IQSEC2: variants seen among roughly 807,000 people sequenced by gnomAD.
The protein encoded by IQSEC2 is IQ motif and Sec7 domain ArfGEF 2, also known as IQ motif and SEC7 domain-containing protein 2.
Under a neutral mutation model 74.6 loss-of-function variants are expected in IQSEC2, and 6 were observed. That is an observed-to-expected ratio of 0.08 (90% CI 0.04 to 0.16). The LOEUF is 0.16. Among genes scored for constraint, IQSEC2 ranks in the 10% least tolerant of loss-of-function variants. The probability of loss-of-function intolerance (pLI) is 1.00; values close to 1 mark genes in which losing one functional copy is unlikely to be tolerated. For missense variants in IQSEC2, 734 were observed against 1,306.2 expected, an observed-to-expected ratio of 0.56 and a Z score of 6.75; for synonymous variants, 494 against 544.5, an observed-to-expected ratio of 0.91 and a Z score of 1.29.
At position 53,250,455 on chromosome X, in the gene IQSEC2, C is replaced by T. The variant is rs1285334504; in HGVS notation, c.2121G>A (p.Glu707=). ...ESLESSSNSN[E]TINCSSGSSS... ...AGGAGCCGGAGCTGCAGTTGATGGT[C>T]TCATTGGAATTGCTGGAGCTCTCAA... The change falls in exon 5 of 15, where the codon GAG becomes GAA. Residue 707 remains glutamate, a synonymous_variant. Coordinates refer to ENST00000642864, the MANE Select transcript of IQSEC2 (RefSeq NM_001111125.3). The T allele has an allele frequency of 1.7e-6, 2 of 1,210,177 alleles. No individual in the cohort carries two copies. Among genetic ancestry groups the T allele is most frequent in the African/African-American group, 3.5e-5 (2 of 57,213 alleles).
chrX:53,248,316 A>G, intron 6 of IQSEC2, 80 bp from the exon 7 acceptor site: 1 of 1,106,494 alleles, frequency 9.0e-7, no homozygotes, highest in Non-Finnish European at 1.2e-6. Context: ...GCTCAAATGG[A>G]CCAACACCCC....
chrX:53,277,859 C>T (rs1050851770), intron 2 of IQSEC2, among the ~76,000 whole-genome samples: 30 of 109,267 alleles, frequency 2.7e-4, no homozygotes, highest in Non-Finnish European at 4.8e-4. Flanking sequence ...TTAGTAGAGA[C>T]GGGGTTTTGC....
intron 8 of IQSEC2, among the ~76,000 whole-genome samples, chrX:53,244,525 CA>C (rs1190920344): frequency 7.2e-3 from 343 of 47,743 alleles, no homozygotes; most frequent in Middle Eastern, 0.033. Context: ...GACCCTGTCT[CA>C]AAAAAAAAAA....
chrX:53,283,852 A>G (rs1229062497), intron 2 of IQSEC2, among the ~76,000 whole-genome samples: 1 of 112,673 alleles, frequency 8.9e-6, no homozygotes, highest in Non-Finnish European at 1.9e-5. Context: ...GAGAAGAGAC[A>G]GACATTCACC....
intron 2 of IQSEC2, among the ~76,000 whole-genome samples, chrX:53,289,807 G>A (rs782632134): frequency 4.5e-5 from 5 of 111,472 alleles, no homozygotes; most frequent in African/African-American, 9.8e-5. Context: ...GTCAGGAAGC[G>A]TGTCTGAATA....
chrX:53,230,006 G>A (rs1170795503), downstream of IQSEC2: 2 of 112,362 alleles, frequency 1.8e-5, no homozygotes, highest in Admixed American at 9.4e-5. Flanking sequence ...CTGTCTCCAC[G>A]CGGTGCCATG....
downstream of IQSEC2, among the ~76,000 whole-genome samples, chrX:53,228,605 A>G (rs2074052220): frequency 8.9e-6 from 1 of 112,066 alleles, no homozygotes; most frequent in African/African-American, 3.2e-5. Context: ...CTGGGCTGAC[A>G]CTGACTTTGT....
At chrX:53,269,206 T>C (rs2074703145) in intron 2 of IQSEC2, among the ~76,000 whole-genome samples, 1 of 112,227 alleles carries the variant, frequency 8.9e-6, no homozygotes, top group Admixed American at 9.4e-5. Flanking sequence ...CCAGCTCAAG[T>C]GCCACTTCCT....
intron 8 of IQSEC2, among the ~76,000 whole-genome samples, 194 bp downstream of exon 8, chrX:53,246,775 A>C (rs1281961100): frequency 8.9e-6 from 1 of 111,900 alleles, no homozygotes; most frequent in African/African-American, 3.3e-5. Context: ...TACACAGTAG[A>C]AGCTCAGTAC....
intron 1 of IQSEC2, among the ~76,000 whole-genome samples, chrX:53,294,386 TATTC>T (rs782819831): frequency 3.2e-4 from 36 of 112,367 alleles, no homozygotes; most frequent in African/African-American, 1.0e-3. Context: ...TTTAGCATAT[TATTC>T]ATTATGTATA....
Position 53,280,965 on chromosome X carries a change from G to A in IQSEC2, c.737+10930C>T, listed in dbSNP as rs12353709. Among the ~76,000 whole-genome samples, 427 of 112,630 alleles carry A rather than the reference G, an allele frequency of 3.8e-3. 1 individual carries two copies. Among genetic ancestry groups the A allele is most frequent in the African/African-American group, 0.013 (402 of 31,078 alleles). Reference sequence around the variant, plus strand: ...TGTAAAAGCCAGGAGACATGGCTGCGGGCCAGGCCAGCTGCGAATTTGAGG... The same window carrying A: ...TGTAAAAGCCAGGAGACATGGCTGCAGGCCAGGCCAGCTGCGAATTTGAGG... On this transcript the variant is annotated intron_variant, in intron 2 of 14. Transcript: ENST00000642864.
At chrX:53,244,049 C>G (rs1186150091) in intron 8 of IQSEC2, among the ~76,000 whole-genome samples, 7 of 109,853 alleles carry the variant, frequency 6.4e-5, no homozygotes, top group African/African-American at 1.7e-4. Flanking sequence ...GAAACCTCAT[C>G]TGTACTAAAA....
intron 12 of IQSEC2, among the ~76,000 whole-genome samples, chrX:53,236,847 T>G (rs982523914): frequency 3.6e-5 from 4 of 111,203 alleles, no homozygotes; most frequent in African/African-American, 9.8e-5. Flanking sequence ...AAAGCACCCC[T>G]GCCCTTCAAA....
intron 1 of IQSEC2, among the ~76,000 whole-genome samples, chrX:53,309,657 T>C (rs1454713474): frequency 8.9e-6 from 1 of 112,221 alleles, no homozygotes; most frequent in African/African-American, 3.2e-5. Context: ...CCTCTTCAAA[T>C]CCCACCATCG....
chrX:53,242,005 C>A, intron 9 of IQSEC2, 96 bp from the exon 10 acceptor site: 1 of 1,030,817 alleles, frequency 9.7e-7, no homozygotes, highest in Non-Finnish European at 1.3e-6. Context: ...GTTTACCACT[C>A]ATACATGTGT....
intron 10 of IQSEC2, 147 bp downstream of exon 10, chrX:53,241,635 GGC>G: frequency 2.6e-6 from 2 of 760,128 alleles, no homozygotes; most frequent in Non-Finnish European, 3.9e-6. Context: ...AGAAGGCCTG[GGC>G]CTTGCCTGAG....
At chrX:53,279,438 T>C in intron 2 of IQSEC2, 1 of 464,254 alleles carries the variant, frequency 2.2e-6, no homozygotes. Context: ...GGCACTCTCC[T>C]CATACACTCG....
intron 1 of IQSEC2, among the ~76,000 whole-genome samples, chrX:53,292,802 C>A (rs934235761): frequency 9.0e-6 from 1 of 111,468 alleles, no homozygotes; most frequent in Non-Finnish European, 1.9e-5. Context: ...TGTGCGCGCG[C>A]ACGTGTGTGT....
Position 53,284,739 on chromosome X carries a change from G to C in IQSEC2, c.737+7156C>G, listed in dbSNP as rs368640495. On this transcript the variant is annotated intron_variant, in intron 2 of 14. Transcript: ENST00000642864. ...TTCATCCCAGTGTCCCCAGCACTCA[G>C]CACCGGGCACCTGGTCACACATGGT... Among the ~76,000 whole-genome samples the C allele has an allele frequency of 1.9e-4, 21 of 112,085 alleles. 1 individual carries two copies. Among genetic ancestry groups the C allele is most frequent in the East Asian group, 1.7e-3 (6 of 3,566 alleles).
Sources: allele counts gnomAD v4.1 joint callset (sites outside exome capture counted in the v4.1 genomes callset), GRCh38; gene constraint gnomAD v4.1.1; transcripts MANE v1.5; gene names NCBI Gene and HGNC (gene_info 2026-07-23, HGNC 2026-07-21).